ST6GAL2: variants seen among roughly 807,000 people sequenced by gnomAD.
ST6GAL2 encodes beta-galactoside alpha-2,6-sialyltransferase 2.
In ST6GAL2, 24 loss-of-function variants were observed where a neutral mutation model predicts 37.5. That is an observed-to-expected ratio of 0.64 (90% CI 0.46 to 0.90). ST6GAL2 has a LOEUF of 0.90. ST6GAL2 is among the 40% of genes least tolerant of loss of function. ST6GAL2 has a pLI of 0.00. For missense variants in ST6GAL2, 715 were observed against 712.7 expected, an observed-to-expected ratio of 1.00 and a Z score of -0.04; for synonymous variants, 306 against 295.1, an observed-to-expected ratio of 1.04 and a Z score of -0.38.
At chr2:106,840,147 A>C (rs2104505145) in intron 2 of ST6GAL2, among the ~76,000 whole-genome samples, 1 of 152,322 alleles carries the variant, frequency 6.6e-6, no homozygotes, top group Middle Eastern at 3.4e-3. Context: ...ATAAGCAGTG[A>C]TCATCTGAGA....
intron 2 of ST6GAL2, among the ~76,000 whole-genome samples, chr2:106,837,920 G>A (rs992480621): frequency 6.6e-6 from 1 of 152,146 alleles, no homozygotes. Flanking sequence ...AAGGCCACCT[G>A]CATGGAGAGG....
chr2:106,801,769 C>T lies in ST6GAL2; in HGVS notation c.*4909G>A, dbSNP rs1675270070. 6.6e-6 allele frequency: 1 copy of T among 152,170 alleles called. No individual in the cohort carries two copies. The highest frequency in any genetic ancestry group is 2.4e-5 in the African/African-American group (1 of 41,448). The allele number at this position is 152,170 out of a possible 1,614,324, so 9.4% of individuals were successfully genotyped here. A position where few individuals can be genotyped will look rare whatever the true frequency, so the allele number is the denominator to read the frequency against. ...CAAGCTTTAATTAGTTTGAAGAGTA[C>T]ACATTTCATTTTAAAAATTATCATA... is the stretch of plus-strand genomic sequence containing the variant. On this transcript the variant is annotated 3_prime_UTR_variant, in exon 6 of 6. Transcript: ENST00000409382.
intron 2 of ST6GAL2, among the ~76,000 whole-genome samples, chr2:106,837,794 C>T (rs1676708466): frequency 6.6e-6 from 1 of 152,162 alleles, no homozygotes; most frequent in African/African-American, 2.4e-5. Flanking sequence ...ATTTAAATGC[C>T]CATTGTCTTA....
chr2:106,830,962 A>C (rs1474719563), intron 4 of ST6GAL2, among the ~76,000 whole-genome samples: 1 of 152,256 alleles, frequency 6.6e-6, no homozygotes, highest in Non-Finnish European at 1.5e-5. Flanking sequence ...TGAAAAATCA[A>C]TAAAGATGTT....
Position 106,843,069 on chromosome 2 carries a change from G to A in ST6GAL2, c.909C>T (p.Gly303=), listed in dbSNP as rs1201370573. The change falls in exon 2 of 6, where the codon GGC becomes GGT. Residue 303 remains glycine, a synonymous_variant. Transcript: ENST00000409382. ...CGCCCAAGGAAGAGTTGAGGATTGC[G>A]CCTGCAGACATGACGACAGCGCAGC... ...LRSCAVVMSA[G]AILNSSLGEE... 6.1e-6 allele frequency: 9 copies of A among 1,484,402 alleles called. No individual in the cohort carries two copies. The highest frequency in any genetic ancestry group is 2.9e-5 in the African/African-American group (2 of 68,496). The allele number at this position is 1,484,402 out of a possible 1,614,324, so 92.0% of individuals were successfully genotyped here. A position where few individuals can be genotyped will look rare whatever the true frequency, so the allele number is the denominator to read the frequency against.
intron 2 of ST6GAL2, among the ~76,000 whole-genome samples, chr2:106,838,939 C>T (rs570604921): frequency 2.2e-4 from 33 of 151,874 alleles, no homozygotes; most frequent in East Asian, 9.7e-4. Context: ...GGGAGGCTGA[C>T]GCAGGAGAAT....
At chr2:106,864,520 C>G (rs1677942947) in intron 1 of ST6GAL2, among the ~76,000 whole-genome samples, 2 of 152,192 alleles carry the variant, frequency 1.3e-5, no homozygotes, top group African/African-American at 4.8e-5. Context: ...ATTCACATTT[C>G]CCATTCGAGA....
chr2:106,881,469 A>G (rs896792268), intron 1 of ST6GAL2, among the ~76,000 whole-genome samples: 5 of 152,128 alleles, frequency 3.3e-5, no homozygotes, highest in African/African-American at 1.2e-4. Context: ...TTTTCTACCC[A>G]TTTGAGGTCA....
intron 5 of ST6GAL2, among the ~76,000 whole-genome samples, chr2:106,810,778 C>T (rs978714891): frequency 4.6e-5 from 7 of 152,132 alleles, no homozygotes; most frequent in South Asian, 4.1e-4. Context: ...GGTGAAACCC[C>T]GTCTCTACAA....
intron 2 of ST6GAL2, among the ~76,000 whole-genome samples, chr2:106,838,382 A>G (rs961839585): frequency 1.3e-5 from 2 of 152,212 alleles, no homozygotes; most frequent in African/African-American, 2.4e-5. Flanking sequence ...TTCAAACAGC[A>G]GGAGAGCAAG....
chr2:106,876,310 C>T (rs1242854830), intron 1 of ST6GAL2, among the ~76,000 whole-genome samples: 1 of 152,126 alleles, frequency 6.6e-6, no homozygotes, highest in Non-Finnish European at 1.5e-5. Flanking sequence ...GAAGGAAGAT[C>T]TAAAGCACTG....
intron 1 of ST6GAL2, among the ~76,000 whole-genome samples, chr2:106,884,694 T>C (rs575706651): frequency 1.4e-4 from 21 of 152,132 alleles, no homozygotes; most frequent in South Asian, 6.2e-4. Flanking sequence ...TCACCTATTA[T>C]TTTAGACTTT....
chr2:106,835,690 A>G (rs1274450110), intron 2 of ST6GAL2, among the ~76,000 whole-genome samples: 1 of 152,210 alleles, frequency 6.6e-6, no homozygotes, highest in East Asian at 1.9e-4. Context: ...TGCTGTCTAT[A>G]ACTGCAGAGT....
At chr2:106,840,869 G>A (rs773663394) in intron 2 of ST6GAL2, among the ~76,000 whole-genome samples, 2 of 152,096 alleles carry the variant, frequency 1.3e-5, no homozygotes, top group African/African-American at 2.4e-5. Flanking sequence ...AAACCAAACC[G>A]GAAGCAAGTT....
At chr2:106,832,814 G>A in intron 3 of ST6GAL2, 148 bp from the exon 4 acceptor site, 4 of 673,348 alleles carry the variant, frequency 5.9e-6, no homozygotes, top group Non-Finnish European at 1.1e-5. Flanking sequence ...AGAGAGGCAG[G>A]CGTTGCATGC....
At chr2:106,811,769 G>C (rs1311506227) in intron 5 of ST6GAL2, among the ~76,000 whole-genome samples, 1 of 152,164 alleles carries the variant, frequency 6.6e-6, no homozygotes, top group African/African-American at 2.4e-5. Flanking sequence ...TTAAGGTCCT[G>C]TGTCAGTTCC....
In ST6GAL2 at chr2:106,843,243, C is replaced by T. The variant is rs1327276796; in HGVS notation, c.735G>A (p.Gly245=). The T allele has an allele frequency of 4.4e-6, 7 of 1,585,006 alleles. No homozygotes were observed. Among genetic ancestry groups the T allele is most frequent in the African/African-American group, 2.7e-5 (2 of 74,450 alleles). ...GVRFRGKREA[G]LSRAQLLCQL... is the part of the protein sequence containing the mutation. ...GGCACAGCAGCTGTGCCCTGCTCAG[C>T]CCGGCCTCCCGCTTCCCGCGGAAGC... The change falls in exon 2 of 6, where the codon GGG becomes GGA. Residue 245 remains glycine, a synonymous_variant. Coordinates refer to ENST00000409382, the MANE Select transcript of ST6GAL2 (RefSeq NM_001142351.2).
At chr2:106,873,873 G>C (rs1159165697) in intron 1 of ST6GAL2, among the ~76,000 whole-genome samples, 2 of 152,228 alleles carry the variant, frequency 1.3e-5, no homozygotes, top group Non-Finnish European at 1.5e-5. Flanking sequence ...CTTGTCCTTA[G>C]AGAATGTTCT....
intron 5 of ST6GAL2, among the ~76,000 whole-genome samples, chr2:106,815,264 C>T (rs368590124): frequency 1.3e-5 from 2 of 152,162 alleles, no homozygotes; most frequent in East Asian, 3.8e-4. Context: ...ACCCTTTGCA[C>T]TGGCACTAAT....
Sources: gnomAD v4.1 joint callset for allele counts (sites outside exome capture counted in the v4.1 genomes callset) on GRCh38, gnomAD v4.1.1 for gene constraint, MANE v1.5 for transcripts, NCBI Gene and HGNC (gene_info 2026-07-23, HGNC 2026-07-21) for gene names.